Variants in ASIC2 observed in about 807,000 individuals in gnomAD.
The protein encoded by ASIC2 is acid sensing ion channel subunit 2.
ASIC2 carries 25 observed loss-of-function variants against 57.3 expected under a neutral mutation model. The ratio of observed to expected loss-of-function variants is 0.44; its 90% CI spans 0.32 to 0.61. The LOEUF (loss-of-function observed/expected upper bound fraction) is 0.61, where lower values mean the gene tolerates loss of function less well. ASIC2 is among the 20% of genes least tolerant of loss of function. The probability of loss-of-function intolerance (pLI) is 0.06; values close to 1 mark genes in which losing one functional copy is unlikely to be tolerated. For missense variants in ASIC2, 641 were observed against 738.1 expected, an observed-to-expected ratio of 0.87 and a Z score of 1.52; for synonymous variants, 319 against 307.5, an observed-to-expected ratio of 1.04 and a Z score of -0.39.
chr17:33,048,705 C>T (rs1160609), intron 3 of ASIC2, among the ~76,000 whole-genome samples: 123,615 of 151,744 alleles, frequency 0.81, 51,561 homozygotes, highest in East Asian at 0.95. Context: ...GTTTCCCTAG[C>T]ACTCCCTGGA....
intron 1 of ASIC2, among the ~76,000 whole-genome samples, chr17:33,424,795 AC>A (rs1911162279): frequency 2.7e-5 from 4 of 150,626 alleles, no homozygotes. Flanking sequence ...TTCACCTTCT[AC>A]CCCCACAGCC....
At chr17:33,114,442 C>T (rs1325052718) in intron 1 of ASIC2, among the ~76,000 whole-genome samples, 1 of 152,200 alleles carries the variant, frequency 6.6e-6, no homozygotes, top group Non-Finnish European at 1.5e-5. Context: ...CTCTAAATAT[C>T]CTCTCTGTCT....
At chr17:33,686,240 G>A (rs1229601900) in intron 1 of ASIC2, among the ~76,000 whole-genome samples, 1 of 152,102 alleles carries the variant, frequency 6.6e-6, no homozygotes, top group Admixed American at 6.5e-5. Context: ...CAGAAAGATG[G>A]CCAAAGAGCA....
At chr17:34,056,157 A>G (rs1464211170) in intron 1 of ASIC2, among the ~76,000 whole-genome samples, 1 of 152,228 alleles carries the variant, frequency 6.6e-6, no homozygotes, top group African/African-American at 2.4e-5. Flanking sequence ...CTGGGTGCCT[A>G]TTAGGATCTT....
intron 1 of ASIC2, among the ~76,000 whole-genome samples, chr17:33,611,380 A>G (rs1352416632): frequency 1.3e-5 from 2 of 152,174 alleles, no homozygotes; most frequent in African/African-American, 4.8e-5. Flanking sequence ...ATGGCCTTCA[A>G]TAACCCTGGG....
At chr17:33,739,687 C>T (rs1458957968) in intron 1 of ASIC2, among the ~76,000 whole-genome samples, 1 of 151,298 alleles carries the variant, frequency 6.6e-6, no homozygotes, top group Non-Finnish European at 1.5e-5. Flanking sequence ...GAAGGGGCTA[C>T]CAAAATCACC....
At chr17:33,758,251 T>C (rs995477050) in intron 1 of ASIC2, among the ~76,000 whole-genome samples, 2 of 152,218 alleles carry the variant, frequency 1.3e-5, no homozygotes, top group Non-Finnish European at 2.9e-5. Context: ...CTTAACATTA[T>C]TGTCATATGA....
At chr17:33,402,402 C>G (rs949525415) in intron 1 of ASIC2, among the ~76,000 whole-genome samples, 2 of 152,162 alleles carry the variant, frequency 1.3e-5, no homozygotes, top group Admixed American at 1.3e-4. Flanking sequence ...AGGTATTAAG[C>G]CCAGCATCCA....
chr17:33,284,395 A>G (rs16968227), intron 1 of ASIC2, among the ~76,000 whole-genome samples: 6,396 of 152,198 alleles, frequency 0.042, 420 homozygotes, highest in African/African-American at 0.15. Context: ...CACAACTCCT[A>G]GGCAGATTCT....
intron 1 of ASIC2, among the ~76,000 whole-genome samples, chr17:33,628,477 T>G (rs1597812940): frequency 1.3e-5 from 2 of 151,964 alleles, no homozygotes; most frequent in African/African-American, 4.8e-5. Flanking sequence ...TTTTTTTTTT[T>G]GCAGAGATGA....
chr17:33,386,459 A>C (rs1021145271), intron 1 of ASIC2, among the ~76,000 whole-genome samples: 2 of 152,152 alleles, frequency 1.3e-5, no homozygotes, highest in African/African-American at 4.8e-5. Flanking sequence ...TATCCTTGCC[A>C]TCTCTCTCTG....
At chr17:33,337,691 G>T (rs1397753976) in intron 1 of ASIC2, among the ~76,000 whole-genome samples, 2 of 152,132 alleles carry the variant, frequency 1.3e-5, no homozygotes, top group African/African-American at 4.8e-5. Context: ...GTTTCTCTGA[G>T]ATGTTCTGGA....
At chr17:33,898,218 A>ATTTTTTTT (rs1242866465) in intron 1 of ASIC2, among the ~76,000 whole-genome samples, 1 of 67,822 alleles carries the variant, frequency 1.5e-5, no homozygotes, top group African/African-American at 5.9e-5. Context: ...TTCATGTATA[A>ATTTTTTTT]TCTTTTTTTT....
At chr17:33,863,909 T>G (rs112623849) in intron 1 of ASIC2, among the ~76,000 whole-genome samples, 8 of 128,334 alleles carry the variant, frequency 6.2e-5, no homozygotes, top group East Asian at 3.9e-4. Flanking sequence ...TGTTTTTTTT[T>G]TTTTTGTTTT....
At chr17:34,008,354 A>T (rs1250897837) in intron 1 of ASIC2, among the ~76,000 whole-genome samples, 1 of 152,166 alleles carries the variant, frequency 6.6e-6, no homozygotes, top group Admixed American at 6.5e-5. Flanking sequence ...TATGCTTGGC[A>T]CTGAGTTACA....
At chr17:34,066,648 G>A (rs913195446) in intron 1 of ASIC2, among the ~76,000 whole-genome samples, 8 of 152,162 alleles carry the variant, frequency 5.3e-5, no homozygotes, top group Admixed American at 2.6e-4. Flanking sequence ...AATTATTTGG[G>A]TATTGTCCAT....
At chr17:33,528,167 G>GGTGTGT (rs56235143) in intron 1 of ASIC2, among the ~76,000 whole-genome samples, 7 of 143,508 alleles carry the variant, frequency 4.9e-5, no homozygotes, top group South Asian at 2.3e-4. Flanking sequence ...GTATGTGGTA[G>GGTGTGT]GTGTGTGTGT....
intron 1 of ASIC2, among the ~76,000 whole-genome samples, chr17:33,238,040 C>T (rs1908362289): frequency 6.6e-6 from 1 of 152,180 alleles, no homozygotes; most frequent in African/African-American, 2.4e-5. Flanking sequence ...ACCCGGTAGG[C>T]CTGTGTGGTT....
chr17:34,084,448 C>A (rs199947798), intron 1 of ASIC2, among the ~76,000 whole-genome samples: 4,635 of 142,006 alleles, frequency 0.033, 83 homozygotes, highest in African/African-American at 0.11. Context: ...GTTACTGTAG[C>A]CTTGTAGTAT....
Sources: allele counts gnomAD v4.1 joint callset (sites outside exome capture counted in the v4.1 genomes callset), GRCh38; gene constraint gnomAD v4.1.1; transcripts MANE v1.5; gene names NCBI Gene and HGNC (gene_info 2026-07-23, HGNC 2026-07-21).